The following WDPCP variants were observed in gnomAD, a reference collection of about 807,000 sequenced individuals.
WDPCP encodes WD repeat-containing and planar cell polarity effector protein fritz homolog.
In WDPCP, 71 loss-of-function variants were observed where a neutral mutation model predicts 93.1. That is an observed-to-expected ratio of 0.76 (90% confidence interval 0.63 to 0.93). The LOEUF (loss-of-function observed/expected upper bound fraction) is 0.93, where lower values mean the gene tolerates loss of function less well. WDPCP is among the 40% of genes least tolerant of loss of function. WDPCP has a pLI of 0.00. For missense variants in WDPCP, 844 were observed against 887.4 expected (o/e 0.95, Z 0.62); for synonymous variants, 315 against 315.0 (o/e 1.00, Z 0.00).
At chr2:63,692,454 T>G (rs532769583) in intron 2 of WDPCP, among the ~76,000 whole-genome samples, 1 of 152,322 alleles carries the variant, frequency 6.6e-6, no homozygotes, top group Admixed American at 6.5e-5. Context: ...TGTCAACTTC[T>G]ACATCAAAAT....
At chr2:63,302,023 C>T (rs1409490086) in intron 13 of WDPCP, among the ~76,000 whole-genome samples, 1 of 152,152 alleles carries the variant, frequency 6.6e-6, no homozygotes, top group Admixed American at 6.5e-5. Context: ...GAATATTTCT[C>T]CAAAATTAGA....
intron 1 of WDPCP, among the ~76,000 whole-genome samples, chr2:63,547,314 G>A (rs1417698586): frequency 2.6e-5 from 4 of 152,026 alleles, no homozygotes; most frequent in Non-Finnish European, 5.9e-5. Flanking sequence ...CTGCTGGTGG[G>A]AACATAAATC....
At chr2:63,243,656 T>G (rs2104658948) in intron 14 of WDPCP, among the ~76,000 whole-genome samples, 1 of 152,170 alleles carries the variant, frequency 6.6e-6, no homozygotes, top group Non-Finnish European at 1.5e-5. Flanking sequence ...CAAGAAGACT[T>G]AACTATCCTA....
At chr2:63,579,959 G>A (rs1192560048) in intron 1 of WDPCP, among the ~76,000 whole-genome samples, 1 of 152,154 alleles carries the variant, frequency 6.6e-6, no homozygotes, top group Non-Finnish European at 1.5e-5. Context: ...ATTATTGTGG[G>A]AGCGGGCTCC....
chr2:63,588,883 A>C (rs995836767), upstream of WDPCP: 3 of 891,330 alleles, frequency 3.4e-6, no homozygotes, highest in Non-Finnish European at 5.4e-6. Flanking sequence ...CGCCACAACC[A>C]GGGCAGCGTA....
intron 10 of WDPCP, among the ~76,000 whole-genome samples, chr2:63,393,878 A>G (rs1206646096): frequency 6.6e-6 from 1 of 152,176 alleles, no homozygotes; most frequent in Non-Finnish European, 1.5e-5. Context: ...TATACAGAAG[A>G]TTGAAACTGG....
At chr2:63,722,498 G>A (rs1180265308) in intron 2 of WDPCP, among the ~76,000 whole-genome samples, 10 of 129,622 alleles carry the variant, frequency 7.7e-5, no homozygotes, top group South Asian at 2.7e-4. Flanking sequence ...CCCGGCAGCC[G>A]CCCCGTCTGG....
chr2:63,265,279 T>G (rs1335298560), intron 13 of WDPCP, among the ~76,000 whole-genome samples: 1 of 152,008 alleles, frequency 6.6e-6, no homozygotes, highest in Non-Finnish European at 1.5e-5. Context: ...GACTAAACTT[T>G]TGGTAAACTA....
At chr2:63,727,951 G>T (rs1669513111) in intron 2 of WDPCP, among the ~76,000 whole-genome samples, 1 of 151,754 alleles carries the variant, frequency 6.6e-6, no homozygotes, top group Admixed American at 6.6e-5. Context: ...CTTATTTTTT[G>T]AAAGTAAGCA....
intron 1 of WDPCP, among the ~76,000 whole-genome samples, chr2:63,570,936 C>T (rs2106468781): frequency 6.6e-6 from 1 of 151,278 alleles, no homozygotes; most frequent in East Asian, 1.9e-4. Context: ...GGTGGAGTCT[C>T]ATTCTGTCAC....
At chr2:63,232,875 C>T in intron 14 of WDPCP, 1 of 177,760 alleles carries the variant, frequency 5.6e-6, no homozygotes, top group Non-Finnish European at 1.2e-5. Context: ...ATATTAGATC[C>T]TGGTTGTACG....
chr2:63,499,498 C>T (rs1701415675), intron 1 of WDPCP, among the ~76,000 whole-genome samples: 1 of 152,046 alleles, frequency 6.6e-6, no homozygotes, highest in Admixed American at 6.6e-5. Flanking sequence ...GGAAGATTAA[C>T]TGGTGGGTAA....
chr2:63,273,808 AACAC>A (rs201430569), intron 13 of WDPCP, among the ~76,000 whole-genome samples: 6 of 144,024 alleles, frequency 4.2e-5, no homozygotes, highest in Admixed American at 1.4e-4. Flanking sequence ...CCAACGCAGA[AACAC>A]ACACACACAC....
intron 1 of WDPCP, among the ~76,000 whole-genome samples, chr2:63,530,001 T>C (rs1703701865): frequency 6.6e-6 from 1 of 152,214 alleles, no homozygotes; most frequent in Non-Finnish European, 1.5e-5. Context: ...GTGTTTATAG[T>C]ATTCTCTGAT....
intron 2 of WDPCP, among the ~76,000 whole-genome samples, chr2:63,739,767 G>C (rs906245634): frequency 9.9e-5 from 15 of 151,930 alleles, no homozygotes; most frequent in Admixed American, 3.9e-4. Context: ...ATTAATAATA[G>C]CCATTCTGAC....
chr2:63,154,674 C>T (rs1672114715), intron 15 of WDPCP, among the ~76,000 whole-genome samples: 1 of 152,104 alleles, frequency 6.6e-6, no homozygotes. Flanking sequence ...ATTGTTGAAT[C>T]ATATGGTGAA....
At chr2:63,213,189 C>A (rs376764542) in intron 14 of WDPCP, among the ~76,000 whole-genome samples, 8 of 152,298 alleles carry the variant, frequency 5.3e-5, no homozygotes, top group Non-Finnish European at 1.0e-4. Flanking sequence ...AGCACCACAT[C>A]GCACTTTTTC....
intron 3 of WDPCP, chr2:63,598,056 CT>C (rs892276201): frequency 2.6e-5 from 4 of 152,134 alleles, no homozygotes; most frequent in African/African-American, 9.7e-5. Flanking sequence ...ATAGTTCTCT[CT>C]TTGTGTTCAA....
chr2:63,219,188 GCAT>G (rs987705851), intron 14 of WDPCP, among the ~76,000 whole-genome samples: 16 of 152,144 alleles, frequency 1.1e-4, no homozygotes, highest in African/African-American at 3.6e-4. Flanking sequence ...TCACCTCTGG[GCAT>G]TAAGACAAAA....
Sources: allele counts gnomAD v4.1 joint callset (sites outside exome capture counted in the v4.1 genomes callset), GRCh38; gene constraint gnomAD v4.1.1; transcripts MANE v1.5; gene names NCBI Gene and HGNC (gene_info 2026-07-23, HGNC 2026-07-21).